The following ALPK2 variants were observed in gnomAD, a reference collection of about 807,000 sequenced individuals.
The protein encoded by ALPK2 is alpha-protein kinase 2.
ALPK2 carries 127 observed loss-of-function variants against 163.1 expected under a neutral mutation model. That is an observed-to-expected ratio of 0.78 (90% CI 0.67 to 0.90). ALPK2 has a LOEUF of 0.90. Ranked by LOEUF, ALPK2 falls within the 40% of genes least tolerant of loss-of-function variation. ALPK2 has a pLI of 0.00. For missense variants in ALPK2, 2,360 were observed against 2,589.6 expected (o/e 0.91, Z 1.92); for synonymous variants, 953 against 959.1 (o/e 0.99, Z 0.12).
chr18:58,499,130 T>C (rs955528931), intron 11 of ALPK2, among the ~76,000 whole-genome samples: 12 of 152,064 alleles, frequency 7.9e-5, no homozygotes, highest in Non-Finnish European at 2.9e-5. Flanking sequence ...CTTGGACTCA[T>C]CCTAACTGCT....
rs552769792 is a variant in ALPK2 at position 58,544,107 on chromosome 18, T to A, written c.1963-5883A>T. On this transcript the variant is annotated intron_variant, in intron 4 of 12. Coordinates refer to ENST00000361673, the MANE Select transcript of ALPK2 (RefSeq NM_052947.4). ...AGAGCCTAGCACATAGGGACTCAAA[T>A]AATTTTGCTGAATGAATAAGCAGAT... 4 of 152,278 alleles carry A rather than the reference T, an allele frequency of 2.6e-5. No homozygotes were observed. In the South Asian group the frequency reaches 6.2e-4, roughly 24 times the overall value. 9.4% of individuals were successfully genotyped at this position (152,278 alleles called of 1,614,324 possible).
intron 4 of ALPK2, among the ~76,000 whole-genome samples, chr18:58,545,814 G>A (rs527271200): frequency 6.6e-6 from 1 of 152,166 alleles, no homozygotes; most frequent in Non-Finnish European, 1.5e-5. Flanking sequence ...TTCCCTTGTG[G>A]TTCCAGGAAA....
intron 12 of ALPK2, among the ~76,000 whole-genome samples, chr18:58,490,088 A>G (rs2144099140): frequency 6.6e-6 from 1 of 152,322 alleles, no homozygotes; most frequent in South Asian, 2.1e-4. Context: ...AAAGAAAGAA[A>G]AAAAGAAACT....
At chr18:58,538,432 C>A in intron 4 of ALPK2, 1 of 509,064 alleles carries the variant, frequency 2.0e-6, no homozygotes, top group Non-Finnish European at 3.4e-6. Flanking sequence ...TCCAGGGGGC[C>A]CTTTGTCAAA....
chr18:58,483,220 T>C (rs1272036751), intron 12 of ALPK2, among the ~76,000 whole-genome samples: 15 of 152,238 alleles, frequency 9.9e-5, no homozygotes, highest in Admixed American at 9.8e-4. Flanking sequence ...GTAGCACATA[T>C]GTAAACCTAT....
At chr18:58,591,490 A>G (rs2052014737) in intron 3 of ALPK2, among the ~76,000 whole-genome samples, 1 of 152,216 alleles carries the variant, frequency 6.6e-6, no homozygotes, top group South Asian at 2.1e-4. Context: ...AGTGTGTGCC[A>G]GGCACCATTA....
intron 2 of ALPK2, among the ~76,000 whole-genome samples, chr18:58,610,264 AGACC>A (rs1568100667): frequency 7.2e-6 from 1 of 139,140 alleles, no homozygotes; most frequent in Non-Finnish European, 1.5e-5. Context: ...ACAGAGCAAG[AGACC>A]CTGTCTCAAA....
At chr18:58,496,303 C>T (rs180803194) in intron 12 of ALPK2, among the ~76,000 whole-genome samples, 2 of 152,162 alleles carry the variant, frequency 1.3e-5, no homozygotes, top group Admixed American at 6.5e-5. Context: ...CCTCCTAATG[C>T]GCTGTCTTCA....
chr18:58,590,546 AAAG>A (rs1423740443), intron 3 of ALPK2, among the ~76,000 whole-genome samples: 2 of 152,202 alleles, frequency 1.3e-5, no homozygotes, highest in African/African-American at 4.8e-5. Flanking sequence ...GCACCAGGTG[AAAG>A]TCATCATTAT....
At chr18:58,515,842 T>C (rs1352543833) in intron 9 of ALPK2, among the ~76,000 whole-genome samples, 1 of 152,230 alleles carries the variant, frequency 6.6e-6, no homozygotes, top group African/African-American at 2.4e-5. Context: ...TAGATGTTTA[T>C]GGTAAACATT....
intron 3 of ALPK2, among the ~76,000 whole-genome samples, chr18:58,590,140 G>T (rs879412437): frequency 5.4e-5 from 8 of 148,980 alleles, no homozygotes; most frequent in Non-Finnish European, 1.0e-4. Flanking sequence ...AGAGTCGCTT[G>T]AACCCAGGGG....
At chr18:58,489,932 T>C (rs2051364052) in intron 12 of ALPK2, among the ~76,000 whole-genome samples, 1 of 148,400 alleles carries the variant, frequency 6.7e-6, no homozygotes, top group Non-Finnish European at 1.5e-5. Flanking sequence ...AATACAAAAA[T>C]TAGCTGGGTG....
At chr18:58,524,107 G>A (rs1430138622) in intron 6 of ALPK2, 45 bp from the exon 7 acceptor site, 2 of 1,574,704 alleles carry the variant, frequency 1.3e-6, no homozygotes, top group Admixed American at 3.6e-5. Flanking sequence ...TCATTCTACA[G>A]TTGCATTTTT....
chr18:58,507,364 A>G (rs2051467101), intron 10 of ALPK2, among the ~76,000 whole-genome samples: 2 of 152,202 alleles, frequency 1.3e-5, no homozygotes, highest in East Asian at 1.9e-4. Flanking sequence ...TGCCTCAAAA[A>G]TGGCATGGGT....
intron 12 of ALPK2, among the ~76,000 whole-genome samples, chr18:58,485,353 G>A (rs902854473): frequency 6.6e-5 from 10 of 152,164 alleles, no homozygotes; most frequent in Admixed American, 5.9e-4. Context: ...TTTTCCCTGT[G>A]CAATCCAAGC....
intron 12 of ALPK2, among the ~76,000 whole-genome samples, chr18:58,484,752 T>TATAATAATAATAATAATAATA (rs112129757): frequency 6.7e-6 from 1 of 149,696 alleles, no homozygotes; most frequent in African/African-American, 2.5e-5. Context: ...CAAAAAATAA[T>TATAATAATAATAATAATAATA]ATAATAATAA....
Position 58,538,148 on chromosome 18 carries a change from TC to T in ALPK2, c.2038del (p.Glu680SerfsTer15). The T allele has an allele frequency of 6.2e-7, 1 of 1,613,716 alleles. No individual in the cohort carries two copies. Among genetic ancestry groups the T allele is most frequent in the Non-Finnish European group, 8.5e-7 (1 of 1,179,790 alleles). On this transcript the variant is annotated frameshift_variant, in exon 5 of 13. Transcript: ENST00000361673. LOFTEE classifies it high-confidence loss of function. The stretch of plus-strand genomic sequence containing the variant: ...TGTTGTGGTCCCAGTGAATGGGGAC[TC>T]CTCCCCAGCAGGCTCTGAGAAAGCT... Reference protein sequence around the residue: ...MPAFSEPAGEESPFTGTTTIS... With the variant: ...MPAFSEPAGEXSPFTGTTTIS...
chr18:58,490,077 AAAAG>A (rs1433847556), intron 12 of ALPK2, among the ~76,000 whole-genome samples: 4 of 152,170 alleles, frequency 2.6e-5, no homozygotes, highest in African/African-American at 7.2e-5. Context: ...TCTCAAAAAA[AAAAG>A]AAAGAAAAAA....
intron 1 of ALPK2, among the ~76,000 whole-genome samples, chr18:58,614,316 T>G (rs2052152504): frequency 1.3e-5 from 2 of 152,156 alleles, no homozygotes; most frequent in South Asian, 4.1e-4. Context: ...AACTATGCAT[T>G]GTGATTGTGA....
Sources: allele counts gnomAD v4.1 joint callset (sites outside exome capture counted in the v4.1 genomes callset), GRCh38; gene constraint gnomAD v4.1.1; transcripts MANE v1.5; gene names NCBI Gene and HGNC (gene_info 2026-07-23, HGNC 2026-07-21).